PPP1R12A: variants seen among roughly 807,000 people sequenced by gnomAD.
The protein encoded by PPP1R12A is protein phosphatase 1 regulatory subunit 12A.
In PPP1R12A, 19 loss-of-function variants were observed where a neutral mutation model predicts 139.6. That is an observed-to-expected ratio of 0.14 (90% CI 0.09 to 0.20). The LOEUF is 0.20. Among genes scored for constraint, PPP1R12A ranks in the 10% least tolerant of loss-of-function variants. The pLI is 1.00. For synonymous variants in PPP1R12A, 427 were observed against 420.6 expected (o/e 1.02, Z -0.19); for missense variants, 925 against 1,211.5 (o/e 0.76, Z 3.51).
At chr12:79,927,874 T>C (rs1887962876) in intron 1 of PPP1R12A, among the ~76,000 whole-genome samples, 1 of 152,206 alleles carries the variant, frequency 6.6e-6, no homozygotes, top group Admixed American at 6.5e-5. Flanking sequence ...AAAATGCCAA[T>C]ACCTCATCAT....
chr12:79,865,692 A>G (rs1381958163), intron 2 of PPP1R12A, among the ~76,000 whole-genome samples: 1 of 152,252 alleles, frequency 6.6e-6, no homozygotes, highest in African/African-American at 2.4e-5. Context: ...ACAGAGAGCC[A>G]GATCATGAGT....
At chr12:79,809,711 C>T in intron 10 of PPP1R12A, 84 bp downstream of exon 10, 1 of 1,055,984 alleles carries the variant, frequency 9.5e-7, no homozygotes, top group Non-Finnish European at 1.4e-6. Context: ...CTAAAGATAA[C>T]TAGCAGAAAA....
chr12:79,826,887 T>G (rs1448176016), intron 5 of PPP1R12A, among the ~76,000 whole-genome samples: 2 of 152,184 alleles, frequency 1.3e-5, no homozygotes, highest in East Asian at 3.9e-4. Context: ...CTACTGTTAC[T>G]AAATGAACCA....
intron 2 of PPP1R12A, among the ~76,000 whole-genome samples, chr12:79,846,935 T>G (rs987910492): frequency 6.6e-6 from 1 of 152,142 alleles, no homozygotes; most frequent in Non-Finnish European, 1.5e-5. Flanking sequence ...GTTTTATTTT[T>G]CCATATATAA....
intron 1 of PPP1R12A, among the ~76,000 whole-genome samples, chr12:79,877,725 C>T (rs773921412): frequency 3.3e-5 from 5 of 151,998 alleles, no homozygotes; most frequent in Admixed American, 6.6e-5. Context: ...CATGCTGGCC[C>T]GGCTGGTCTC....
intron 2 of PPP1R12A, among the ~76,000 whole-genome samples, chr12:79,854,074 A>C (rs1160404500): frequency 1.3e-5 from 2 of 152,162 alleles, no homozygotes; most frequent in African/African-American, 4.8e-5. Flanking sequence ...TGTTGTCTGA[A>C]AACTTTATGT....
At position 79,872,924 on chromosome 12, in the gene PPP1R12A, G is replaced by C; in HGVS notation, c.252C>G (p.Asp84Glu). The stretch of plus-strand genomic sequence containing the variant: ...CCAGAAACTTCACCATATCAACATT[G>C]TCATCAATGCAAGCCTAAAAACAAA... Reference protein sequence around the residue: ...LTALHQACIDDNVDMVKFLVE... With the variant: ...LTALHQACIDENVDMVKFLVE... Residue 84 changes from aspartate (D) to glutamate (E), a missense_variant, in exon 2 of 25, where the codon GAC becomes GAG. Physicochemically the swap from Asp to Glu is conservative, Grantham distance 45. Coordinates refer to ENST00000450142, the MANE Select transcript of PPP1R12A (RefSeq NM_002480.3). 6.2e-7 allele frequency: 1 copy of C among 1,612,800 alleles called. No individual in the cohort carries two copies. The highest frequency in any genetic ancestry group is 1.3e-5 in the African/African-American group (1 of 74,992).
intron 9 of PPP1R12A, among the ~76,000 whole-genome samples, chr12:79,810,266 T>C (rs1874361115): frequency 6.6e-6 from 1 of 152,188 alleles, no homozygotes; most frequent in South Asian, 2.1e-4. Context: ...AGAAAAATTA[T>C]GATGCAAATA....
At chr12:79,854,690 G>A (rs1406097763) in intron 2 of PPP1R12A, among the ~76,000 whole-genome samples, 1 of 151,582 alleles carries the variant, frequency 6.6e-6, no homozygotes, top group Admixed American at 6.6e-5. Flanking sequence ...TTAAATTTTA[G>A]AGATGGAGTC....
chr12:79,812,382 C>CTATGTGCGTGTG (rs1874663340), intron 9 of PPP1R12A, among the ~76,000 whole-genome samples: 1 of 112,882 alleles, frequency 8.9e-6, no homozygotes, highest in Non-Finnish European at 1.6e-5. Context: ...TTGACTGACT[C>CTATGTGCGTGTG]TGTGTGTGCG....
At chr12:79,813,141 C>T (rs1874820764) in intron 9 of PPP1R12A, among the ~76,000 whole-genome samples, 1 of 152,202 alleles carries the variant, frequency 6.6e-6, no homozygotes, top group African/African-American at 2.4e-5. Flanking sequence ...CAGTTGAAGA[C>T]ATCCTGCAAT....
chr12:79,850,523 A>C (rs539424080), intron 2 of PPP1R12A, among the ~76,000 whole-genome samples: 3 of 152,212 alleles, frequency 2.0e-5, no homozygotes, highest in Non-Finnish European at 4.4e-5. Context: ...TTTGTCTTTA[A>C]ACCAGAAGCT....
chr12:79,875,770 A>C (rs1565791935), intron 1 of PPP1R12A, among the ~76,000 whole-genome samples: 3 of 152,220 alleles, frequency 2.0e-5, no homozygotes, highest in Non-Finnish European at 4.4e-5. Context: ...TGTGCCATTT[A>C]AAAAGTGGTT....
intron 1 of PPP1R12A, among the ~76,000 whole-genome samples, chr12:79,907,790 C>A (rs1434060139): frequency 6.6e-6 from 1 of 152,108 alleles, no homozygotes; most frequent in Middle Eastern, 3.4e-3. Context: ...CCCAGCTACT[C>A]GGGAGGCTGA....
intron 4 of PPP1R12A, among the ~76,000 whole-genome samples, chr12:79,831,818 A>G (rs1369981312): frequency 1.3e-5 from 2 of 152,238 alleles, no homozygotes; most frequent in Non-Finnish European, 2.9e-5. Context: ...AACAATATAC[A>G]GCCCTGTAGA....
intron 22 of PPP1R12A, chr12:79,782,111 G>A (rs1372682615): frequency 6.6e-6 from 2 of 304,728 alleles, no homozygotes; most frequent in Non-Finnish European, 1.2e-5. Flanking sequence ...AACTTTCATA[G>A]TTTAGTTGGG....
At chr12:79,793,096 T>A (rs1872091050) in intron 19 of PPP1R12A, among the ~76,000 whole-genome samples, 2 of 152,144 alleles carry the variant, frequency 1.3e-5, no homozygotes, top group Non-Finnish European at 2.9e-5. Context: ...GAAAATAATA[T>A]TAATATGACC....
At chr12:79,888,479 G>A (rs1203991017) in intron 1 of PPP1R12A, among the ~76,000 whole-genome samples, 1 of 152,132 alleles carries the variant, frequency 6.6e-6, no homozygotes, top group Non-Finnish European at 1.5e-5. Context: ...TTTAAGAAAG[G>A]GGAAACAACA....
At chr12:79,842,615 G>C (rs1189531102) in intron 3 of PPP1R12A, among the ~76,000 whole-genome samples, 1 of 150,078 alleles carries the variant, frequency 6.7e-6, no homozygotes, top group East Asian at 2.0e-4. Context: ...GTGTGTGTGT[G>C]AGTCCTGCCC....
Sources: gnomAD v4.1 joint callset for allele counts (sites outside exome capture counted in the v4.1 genomes callset) on GRCh38, gnomAD v4.1.1 for gene constraint, MANE v1.5 for transcripts, NCBI Gene and HGNC (gene_info 2026-07-23, HGNC 2026-07-21) for gene names.